The following ASTN2 variants were observed in gnomAD, a reference collection of about 807,000 sequenced individuals.
ASTN2 encodes the protein astrotactin-2.
A neutral mutation model predicts 139.8 loss-of-function variants in ASTN2; 54 were observed. The observed-to-expected ratio is 0.39, with a 90% CI of 0.31 to 0.48. The LOEUF is 0.48. Among genes scored for constraint, ASTN2 ranks in the 20% least tolerant of loss-of-function variants. The probability of loss-of-function intolerance (pLI) is 0.95; values close to 1 mark genes in which losing one functional copy is unlikely to be tolerated. For missense variants in ASTN2, 1,565 were observed against 1,725.1 expected, an observed-to-expected ratio of 0.91 and a Z score of 1.64; for synonymous variants, 756 against 719.5, an observed-to-expected ratio of 1.05 and a Z score of -0.81.
intron 13 of ASTN2, among the ~76,000 whole-genome samples, chr9:116,798,968 G>A (rs1830771273): frequency 2.0e-5 from 3 of 151,576 alleles, no homozygotes; most frequent in African/African-American, 7.3e-5. Flanking sequence ...TATTCATAAA[G>A]CCAAGTTGTT....
chr9:116,932,754 C>G (rs1834938395), intron 10 of ASTN2, among the ~76,000 whole-genome samples: 1 of 152,072 alleles, frequency 6.6e-6, no homozygotes, highest in South Asian at 2.1e-4. Context: ...ACCTGTACTT[C>G]CAGCACTTTG....
At chr9:116,510,414 T>C (rs1212706668) in intron 19 of ASTN2, among the ~76,000 whole-genome samples, 1 of 152,136 alleles carries the variant, frequency 6.6e-6, no homozygotes, top group African/African-American at 2.4e-5. Flanking sequence ...AGCCTTGTAG[T>C]ATAGTTTGAA....
At chr9:116,930,324 G>A (rs748422804) in intron 10 of ASTN2, among the ~76,000 whole-genome samples, 3 of 152,148 alleles carry the variant, frequency 2.0e-5, no homozygotes, top group Non-Finnish European at 2.9e-5. Flanking sequence ...TAAGACCCCT[G>A]ACCTGGACTC....
chr9:116,485,411 A>G (rs1250466497), intron 20 of ASTN2, among the ~76,000 whole-genome samples: 1 of 152,228 alleles, frequency 6.6e-6, no homozygotes, highest in African/African-American at 2.4e-5. Flanking sequence ...TCTTTTGAAA[A>G]TGCCATTCAC....
intron 16 of ASTN2, among the ~76,000 whole-genome samples, chr9:116,725,023 T>C (rs1278824607): frequency 1.3e-5 from 2 of 152,188 alleles, no homozygotes; most frequent in African/African-American, 4.8e-5. Context: ...TTAAAACACA[T>C]ATATACACAT....
chr9:116,549,474 G>C (rs1472816530), intron 19 of ASTN2, among the ~76,000 whole-genome samples: 1 of 152,162 alleles, frequency 6.6e-6, no homozygotes, highest in East Asian at 1.9e-4. Context: ...CCCAGCTGGG[G>C]CCCCAGGCCC....
intron 13 of ASTN2, among the ~76,000 whole-genome samples, chr9:116,805,045 C>T (rs1830993231): frequency 6.7e-6 from 1 of 148,682 alleles, no homozygotes; most frequent in Non-Finnish European, 1.5e-5. Flanking sequence ...ATCTGGCCAA[C>T]CTAGCCGTCA....
intron 17 of ASTN2, 21 bp downstream of exon 17, chr9:116,651,507 G>A: frequency 1.9e-6 from 3 of 1,606,438 alleles, no homozygotes; most frequent in Non-Finnish European, 2.6e-6. Flanking sequence ...TTGACTGAGT[G>A]GCTGGGCCAG....
intron 19 of ASTN2, among the ~76,000 whole-genome samples, chr9:116,609,945 AT>A (rs528687491): frequency 6.6e-6 from 1 of 152,078 alleles, no homozygotes. Flanking sequence ...CAAACACTAA[AT>A]TTTTTTAAAA....
intron 2 of ASTN2, among the ~76,000 whole-genome samples, chr9:117,216,086 T>C (rs1832310313): frequency 6.6e-6 from 1 of 152,204 alleles, no homozygotes; most frequent in African/African-American, 2.4e-5. Flanking sequence ...CAAGGACAAA[T>C]TCTGACAACT....
At chr9:116,913,748 C>T (rs763750861) in intron 10 of ASTN2, among the ~76,000 whole-genome samples, 13 of 151,946 alleles carry the variant, frequency 8.6e-5, no homozygotes, top group Admixed American at 2.0e-4. Flanking sequence ...ATGGGAGAGA[C>T]GCAGTTGGAA....
At chr9:117,179,133 T>C (rs572683425) in intron 3 of ASTN2, among the ~76,000 whole-genome samples, 2 of 152,324 alleles carry the variant, frequency 1.3e-5, no homozygotes, top group South Asian at 4.1e-4. Context: ...AGGCTTACTA[T>C]GTGCCAGGAA....
chr9:117,249,358 G>A (rs1833473990), intron 2 of ASTN2, among the ~76,000 whole-genome samples: 1 of 152,088 alleles, frequency 6.6e-6, no homozygotes, highest in African/African-American at 2.4e-5. Context: ...CCTGCAACCT[G>A]TCCTCTTTCC....
chr9:117,241,931 C>T (rs548718367), intron 2 of ASTN2, among the ~76,000 whole-genome samples: 2 of 149,882 alleles, frequency 1.3e-5, no homozygotes, highest in Non-Finnish European at 3.0e-5. Flanking sequence ...GTTACCCCCC[C>T]CCACACACAC....
At chr9:117,231,498 A>G (rs1832890080) in intron 2 of ASTN2, among the ~76,000 whole-genome samples, 1 of 152,240 alleles carries the variant, frequency 6.6e-6, no homozygotes, top group Non-Finnish European at 1.5e-5. Flanking sequence ...AAGCAAATCT[A>G]TCTGATATAA....
chr9:117,069,560 T>TC (rs1201796499), intron 5 of ASTN2, among the ~76,000 whole-genome samples: 1 of 31,500 alleles, frequency 3.2e-5, no homozygotes, highest in Non-Finnish European at 6.7e-5. Flanking sequence ...TTCCTGGGTA[T>TC]CCTTGTTGAC....
At chr9:116,440,921 C>A (rs1847821854) in intron 21 of ASTN2, 129 bp from the exon 22 acceptor site, 4 of 872,658 alleles carry the variant, frequency 4.6e-6, no homozygotes, top group African/African-American at 3.4e-5. Context: ...AGCAGACAAA[C>A]CTTAATTTCA....
intron 2 of ASTN2, among the ~76,000 whole-genome samples, chr9:117,268,975 G>T (rs7043216): frequency 6.6e-6 from 1 of 152,044 alleles, no homozygotes; most frequent in African/African-American, 2.4e-5. Context: ...ATAGCAATAC[G>T]AATACCTACT....
intron 4 of ASTN2, among the ~76,000 whole-genome samples, chr9:117,103,088 C>T (rs1165691441): frequency 6.6e-6 from 1 of 152,008 alleles, no homozygotes; most frequent in Non-Finnish European, 1.5e-5. Context: ...TGTCCTAGAC[C>T]ACATGTTCAC....
Sources: gnomAD v4.1 joint callset for allele counts (sites outside exome capture counted in the v4.1 genomes callset) on GRCh38, gnomAD v4.1.1 for gene constraint, MANE v1.5 for transcripts, NCBI Gene and HGNC (gene_info 2026-07-23, HGNC 2026-07-21) for gene names.